The following CFAP57 variants were observed in gnomAD, a reference collection of about 807,000 sequenced individuals.
CFAP57 encodes cilia- and flagella-associated protein 57.
Under a neutral mutation model 146.8 loss-of-function variants are expected in CFAP57, and 116 were observed. The observed-to-expected ratio is 0.79, with a 90% CI of 0.68 to 0.92. The LOEUF (loss-of-function observed/expected upper bound fraction) is 0.92. Ranked by LOEUF, CFAP57 falls within the 40% of genes least tolerant of loss-of-function variation. The pLI is 0.00. For synonymous variants in CFAP57, 518 were observed against 552.8 expected, an observed-to-expected ratio of 0.94 and a Z score of 0.88; for missense variants, 1,377 against 1,527.2, an observed-to-expected ratio of 0.90 and a Z score of 1.64.
intron 5 of CFAP57, 59 bp downstream of exon 5, chr1:43,185,415 G>C: frequency 6.6e-7 from 1 of 1,520,310 alleles, no homozygotes; most frequent in Non-Finnish European, 9.1e-7. Flanking sequence ...TTGTTCCCCA[G>C]CAGCAGTTCT....
intron 22 of CFAP57, among the ~76,000 whole-genome samples, chr1:43,244,450 AATAC>A (rs1454472607): frequency 6.6e-6 from 1 of 152,210 alleles, no homozygotes; most frequent in African/African-American, 2.4e-5. Context: ...TACAAAATTA[AATAC>A]ATATATAAGA....
intron 15 of CFAP57, 91 bp downstream of exon 15, chr1:43,222,386 G>C: frequency 8.3e-7 from 1 of 1,203,898 alleles, no homozygotes; most frequent in Non-Finnish European, 1.1e-6. Flanking sequence ...TGTATGCCAG[G>C]ATGTGTTATA....
In CFAP57 at chr1:43,220,936, G is replaced by T. The variant is rs1253166061; in HGVS notation, c.2248-436G>T. Among the ~76,000 whole-genome samples, 3 of 152,136 alleles carry T rather than the reference G, an allele frequency of 2.0e-5. No individual in the cohort carries two copies. The East Asian group carries it at 5.8e-4, about 29-fold the overall frequency. ...AGGCGCAAAGTTAGGTCCTGAAGAT[G>T]GCACACCACCTCCAACTCGCCCCCC... On this transcript the variant is annotated intron_variant, in intron 13 of 22. Coordinates refer to ENST00000372492, the MANE Select transcript of CFAP57 (RefSeq NM_001378189.1).
In CFAP57 at chr1:43,172,371, G is replaced by T; in HGVS notation, c.-102G>T. On this transcript the variant is annotated 5_prime_UTR_variant, in exon 1 of 23. Coordinates refer to ENST00000372492, the MANE Select transcript of CFAP57 (RefSeq NM_001378189.1). ...TGCTATAGGAACCGCTACGGCGTTT[G>T]AAAGTGTCCGGGTTGCTTAGGATCC... 6.4e-7 allele frequency: 1 copy of T among 1,551,636 alleles called. No individual in the cohort carries two copies.
At chr1:43,248,387 G>A (rs1243031697) in intron 22 of CFAP57, among the ~76,000 whole-genome samples, 3 of 146,546 alleles carry the variant, frequency 2.0e-5, no homozygotes, top group Non-Finnish European at 4.5e-5. Context: ...GCGCAATCTC[G>A]GCTCACTGCA....
chr1:43,205,195 T>C (rs1331474922), intron 9 of CFAP57, among the ~76,000 whole-genome samples: 3 of 152,176 alleles, frequency 2.0e-5, no homozygotes. Flanking sequence ...ATTCCACTCC[T>C]CTATATCATT....
chr1:43,195,840 C>A (rs576899790), intron 6 of CFAP57, among the ~76,000 whole-genome samples: 1 of 152,188 alleles, frequency 6.6e-6, no homozygotes, highest in South Asian at 2.1e-4. Flanking sequence ...TTGGTGCCTA[C>A]TTATCATAGG....
chr1:43,181,294 A>G (rs1470834860), intron 2 of CFAP57, among the ~76,000 whole-genome samples: 4 of 150,172 alleles, frequency 2.7e-5, no homozygotes, highest in African/African-American at 7.4e-5. Flanking sequence ...CTGGTCTTGA[A>G]CTCCCCATTT....
At chr1:43,190,490 T>C (rs1378729647) in intron 6 of CFAP57, among the ~76,000 whole-genome samples, 2 of 152,214 alleles carry the variant, frequency 1.3e-5, no homozygotes, top group Admixed American at 1.3e-4. Flanking sequence ...CAGGATGGTC[T>C]CGATCTCCTG....
rs1570260164 is a variant in CFAP57, at chr1:43,229,755, C to G, written c.3009+2629C>G. On this transcript the variant is annotated intron_variant, in intron 18 of 22. Coordinates refer to ENST00000372492, the MANE Select transcript of CFAP57 (RefSeq NM_001378189.1). ...TACTACTATTTTGAGGTAGGTAATT[C>G]TCTGTCATGGAGGGTCTGTCCTGTA... is the stretch of plus-strand genomic sequence containing the variant. Among the ~76,000 whole-genome samples, 3 of 148,580 alleles carry G rather than the reference C, an allele frequency of 2.0e-5. No homozygotes were observed. The South Asian group carries it at 6.6e-4, about 33-fold the overall frequency.
Position 43,201,542 on chromosome 1 carries a change from GA to G in CFAP57, c.1542+2040del, listed in dbSNP as rs1304157753. ...ACTCTGTCACCCAGGCTGGAGTGCAGAGGCGTGATCTCGGCTCACTGCAACC... is the reference window on the plus strand; with the variant it reads ...ACTCTGTCACCCAGGCTGGAGTGCAGGGCGTGATCTCGGCTCACTGCAACC... On this transcript the variant is annotated intron_variant, in intron 9 of 22. Transcript: ENST00000372492. This position sits in a 1 kb window ranked among gnomAD's most constrained non-coding sequence, Gnocchi z 4.4. Among the ~76,000 whole-genome samples the G allele has an allele frequency of 6.6e-6, 1 of 152,224 alleles. No homozygotes were observed. Among genetic ancestry groups the G allele is most frequent in the African/African-American group, 2.4e-5 (1 of 41,458 alleles).
At position 43,186,795 on chromosome 1, in the gene CFAP57, T is replaced by C. The variant is rs767261157; in HGVS notation, c.1058T>C (p.Leu353Pro). ...TGCTTCAGCCCCTCAGAGGAAACTCTGGTTGCCAGCACCAGTAAGAACCAA... is the reference window on the plus strand; with the variant it reads ...TGCTTCAGCCCCTCAGAGGAAACTCCGGTTGCCAGCACCAGTAAGAACCAA... ...CLCFSPSEETLVASTSKNQLY... is the reference protein window; with the variant it reads ...CLCFSPSEETPVASTSKNQLY... The change falls in exon 6 of 23, where the codon CTG becomes CCG. Residue 353 changes from leucine to proline, a missense_variant. Leu to Pro is a moderately conservative substitution (Grantham distance 98). Transcript: ENST00000372492. The C allele has an allele frequency of 2.5e-6, 4 of 1,614,040 alleles. No individual in the cohort carries two copies. The highest frequency in any genetic ancestry group is 3.4e-6 in the Non-Finnish European group (4 of 1,180,030).
At chr1:43,198,828 T>A (rs1236111133) in intron 8 of CFAP57, among the ~76,000 whole-genome samples, 182 bp downstream of exon 8, 1 of 152,182 alleles carries the variant, frequency 6.6e-6, no homozygotes, top group Non-Finnish European at 1.5e-5. Context: ...GAGTATATGG[T>A]TCCATCCCCA....
chr1:43,254,012 G>T lies in CFAP57; in HGVS notation c.3574G>T (p.Ala1192Ser), dbSNP rs761031992. ...GGACATGCTCAGCACAGCTCCCACCGCAAGGTTGAATGAGCAAGAAGAAAC... is the reference window on the plus strand; with the variant it reads ...GGACATGCTCAGCACAGCTCCCACCTCAAGGTTGAATGAGCAAGAAGAAAC... ...SRDMLSTAPT[A>S]RLNEQEETGR... The change falls in exon 23 of 23, where the codon GCA becomes TCA. Residue 1192 changes from alanine (A) to serine (S), a missense_variant. Coordinates refer to ENST00000372492, the MANE Select transcript of CFAP57 (RefSeq NM_001378189.1). 6 of 1,550,462 alleles carry T rather than the reference G, an allele frequency of 3.9e-6. No homozygotes were observed. Among genetic ancestry groups the T allele is most frequent in the African/African-American group, 1.4e-5 (1 of 73,016 alleles).
chr1:43,179,942 C>T (rs1044663705), intron 2 of CFAP57, among the ~76,000 whole-genome samples: 1 of 152,070 alleles, frequency 6.6e-6, no homozygotes, highest in Non-Finnish European at 1.5e-5. Context: ...CGTGGTGGCT[C>T]ATGCCTGTAA....
intron 2 of CFAP57, among the ~76,000 whole-genome samples, chr1:43,180,238 T>TATATATATATATAA (rs1363991276): frequency 7.3e-6 from 1 of 137,814 alleles, no homozygotes; most frequent in African/African-American, 2.6e-5. Flanking sequence ...TATATATATA[T>TATATATATATATAA]AAAATATATA....
chr1:43,228,733 T>A (rs994292879), intron 18 of CFAP57, among the ~76,000 whole-genome samples: 9 of 149,106 alleles, frequency 6.0e-5, no homozygotes, highest in African/African-American at 2.3e-4. Flanking sequence ...TGTCGTCCTT[T>A]CGGGGTGCTA....
intron 2 of CFAP57, among the ~76,000 whole-genome samples, chr1:43,177,724 G>T (rs542452941): frequency 1.5e-4 from 23 of 152,326 alleles, no homozygotes; most frequent in African/African-American, 5.5e-4. Context: ...CATTAGTTAA[G>T]ATTCTCACAG....
chr1:43,249,597 CT>C (rs35050145), intron 22 of CFAP57, among the ~76,000 whole-genome samples: 41,639 of 52,672 alleles, frequency 0.79, 16,607 homozygotes, highest in Middle Eastern at 0.84. Flanking sequence ...ACCCAGCTAA[CT>C]TTTTTTTTTT....
Sources: allele counts gnomAD v4.1 joint callset (sites outside exome capture counted in the v4.1 genomes callset), GRCh38; gene constraint gnomAD v4.1.1; non-coding constraint Gnocchi (gnomAD v3.1); transcripts MANE v1.5; gene names NCBI Gene and HGNC (gene_info 2026-07-23, HGNC 2026-07-21).